BEND6: variants seen among roughly 807,000 people sequenced by gnomAD.
The protein encoded by BEND6 is BEN domain containing 6, also known as BEN domain-containing protein 6.
BEND6 carries 24 observed loss-of-function variants against 31.8 expected under a neutral mutation model. The observed-to-expected ratio is 0.75, with a 90% CI of 0.55 to 1.06. The LOEUF is 1.06. BEND6 is among the 50% of genes least tolerant of loss of function. BEND6 has a pLI of 0.00. For synonymous variants in BEND6, 109 were observed against 114.6 expected (o/e 0.95, Z 0.31); for missense variants, 294 against 327.4 (o/e 0.90, Z 0.79).
intron 1 of BEND6, among the ~76,000 whole-genome samples, chr6:56,969,515 C>A (rs1433027557): frequency 1.3e-5 from 2 of 152,072 alleles, no homozygotes; most frequent in African/African-American, 4.8e-5. Context: ...TATAAGGGGT[C>A]TTTTATGTCT....
chr6:56,994,457 CAAAAAAAAAA>C (rs67871242), intron 3 of BEND6, among the ~76,000 whole-genome samples: 15 of 54,864 alleles, frequency 2.7e-4, no homozygotes, highest in East Asian at 1.3e-3. Flanking sequence ...GACTCCATCT[CAAAAAAAAAA>C]AAAAAAAAAA....
intron 2 of BEND6, among the ~76,000 whole-genome samples, chr6:56,986,973 C>CTTTT (rs869195941): frequency 3.4e-4 from 42 of 123,760 alleles, no homozygotes; most frequent in Non-Finnish European, 4.4e-4. Flanking sequence ...TGTTTCTTTT[C>CTTTT]TTTTTTTTTT....
chr6:56,993,933 C>T (rs376505640), intron 3 of BEND6, among the ~76,000 whole-genome samples: 31 of 152,296 alleles, frequency 2.0e-4, no homozygotes, highest in African/African-American at 7.2e-4. Context: ...CTCCTGGCCT[C>T]AAGCCATCCT....
chr6:56,995,069 A>G (rs1258746007), intron 3 of BEND6, among the ~76,000 whole-genome samples: 1 of 151,756 alleles, frequency 6.6e-6, no homozygotes, highest in Non-Finnish European at 1.5e-5. Flanking sequence ...TATCCTTGTG[A>G]GTCTCAATCT....
intron 3 of BEND6, among the ~76,000 whole-genome samples, chr6:56,994,827 A>G (rs1593002003): frequency 6.6e-6 from 1 of 152,216 alleles, no homozygotes; most frequent in Admixed American, 6.5e-5. Context: ...AGTGCCAATC[A>G]GCTTCAATAG....
intron 2 of BEND6, among the ~76,000 whole-genome samples, chr6:56,985,420 C>T (rs1008179625): frequency 1.3e-5 from 2 of 152,180 alleles, no homozygotes; most frequent in Middle Eastern, 3.4e-3. Flanking sequence ...GTTGATCTAC[C>T]TTCCTCAACA....
Position 57,015,283 on chromosome 6 carries a change from A to T in BEND6, c.449A>T (p.Asn150Ile), listed in dbSNP as rs1185131972. 8 of 1,614,040 alleles carry T rather than the reference A, an allele frequency of 5.0e-6. No homozygotes were observed. The highest frequency in any genetic ancestry group is 6.8e-6 in the Non-Finnish European group (8 of 1,180,038). The change falls in exon 4 of 7, where the codon AAT (asparagine) becomes ATT (isoleucine). Residue 150 changes from asparagine to isoleucine, a missense_variant. Asn to Ile is a moderately radical substitution (Grantham distance 149). Transcript: ENST00000370746. ...GATTCATTTGCCTCAACATGCAGTA[A>T]TTCTAATTCTAACTCCAGTTCACCA... is the stretch of plus-strand genomic sequence containing the variant. ...SPDSFASTCS[N>I]SNSNSSSPVS...
At chr6:57,011,033 G>A (rs1390397827) in intron 3 of BEND6, 2 of 221,474 alleles carry the variant, frequency 9.0e-6, no homozygotes, top group African/African-American at 4.7e-5. Flanking sequence ...AACCATTTAA[G>A]TTCTTATAAA....
At chr6:56,998,213 A>T (rs1826797646) in intron 3 of BEND6, among the ~76,000 whole-genome samples, 1 of 152,254 alleles carries the variant, frequency 6.6e-6, no homozygotes, top group African/African-American at 2.4e-5. Flanking sequence ...CTTGTATAAT[A>T]CTATTAAGAA....
chr6:57,015,433 G>T (rs529500008), intron 4 of BEND6, 80 bp downstream of exon 4: 2 of 1,240,316 alleles, frequency 1.6e-6, no homozygotes, highest in Admixed American at 4.0e-5. Flanking sequence ...AATGATCATT[G>T]TTTTATCAGA....
chr6:56,962,078 A>G (rs975170393), intron 1 of BEND6, among the ~76,000 whole-genome samples: 1 of 152,192 alleles, frequency 6.6e-6, no homozygotes, highest in Non-Finnish European at 1.5e-5. Context: ...TTACTTTAGG[A>G]GTGGATTTGT....
intron 2 of BEND6, among the ~76,000 whole-genome samples, chr6:56,982,438 C>T (rs1826104402): frequency 6.6e-6 from 1 of 152,130 alleles, no homozygotes; most frequent in South Asian, 2.1e-4. Flanking sequence ...GTGGCCCATC[C>T]TTATCACTGG....
intron 1 of BEND6, among the ~76,000 whole-genome samples, chr6:56,963,853 CTAG>C (rs1825370539): frequency 2.7e-5 from 4 of 146,612 alleles, no homozygotes; most frequent in Admixed American, 2.1e-4. Flanking sequence ...TAATACAATA[CTAG>C]TAGTGGTATA....
rs544741030 is a variant in BEND6, at chr6:56,964,054, A to C, written c.-101+8594A>C. Among the ~76,000 whole-genome samples, 34 of 148,634 alleles carry C rather than the reference A, an allele frequency of 2.3e-4. No individual in the cohort carries two copies. In the East Asian group the frequency reaches 5.2e-3, roughly 23 times the overall value. ...ATTAATATTATAATTAATATTAATTAATTTATATTATTATATACCTGACAT... is the reference window on the plus strand; with the variant it reads ...ATTAATATTATAATTAATATTAATTCATTTATATTATTATATACCTGACAT... On this transcript the variant is annotated intron_variant, in intron 1 of 6. Transcript: ENST00000370746.
chr6:57,005,635 G>C (rs569926158), intron 3 of BEND6, among the ~76,000 whole-genome samples: 1 of 149,810 alleles, frequency 6.7e-6, no homozygotes, highest in African/African-American at 2.5e-5. Context: ...AGCCGAGATC[G>C]CCCCACTGCA....
chr6:56,978,036 AG>A (rs573610517), intron 1 of BEND6, among the ~76,000 whole-genome samples: 2 of 152,026 alleles, frequency 1.3e-5, no homozygotes, highest in Non-Finnish European at 2.9e-5. Flanking sequence ...AGGCCAAAGC[AG>A]AAGGATCACT....
At chr6:56,975,616 A>G in intron 1 of BEND6, 1 of 357,764 alleles carries the variant, frequency 2.8e-6, no homozygotes, top group Admixed American at 3.1e-5. Flanking sequence ...AGCCCATCAG[A>G]TAGCCCAGCA....
intron 1 of BEND6, among the ~76,000 whole-genome samples, chr6:56,966,873 C>T (rs1340036862): frequency 6.6e-6 from 1 of 152,050 alleles, no homozygotes; most frequent in African/African-American, 2.4e-5. Context: ...GGTATTGATC[C>T]AGTAATACAG....
At chr6:56,996,497 G>A (rs1826718463) in intron 3 of BEND6, among the ~76,000 whole-genome samples, 1 of 151,918 alleles carries the variant, frequency 6.6e-6, no homozygotes. Context: ...AAATCAATGA[G>A]CTATGATTGT....
Sources: gnomAD v4.1 joint callset for allele counts (sites outside exome capture counted in the v4.1 genomes callset) on GRCh38, gnomAD v4.1.1 for gene constraint, MANE v1.5 for transcripts, NCBI Gene and HGNC (gene_info 2026-07-23, HGNC 2026-07-21) for gene names.